Variants in CLUL1 observed in about 807,000 individuals in gnomAD.
The protein encoded by CLUL1 is clusterin like 1.
Under a neutral mutation model 49.4 loss-of-function variants are expected in CLUL1, and 43 were observed. That is an observed-to-expected ratio of 0.87 (90% CI 0.68 to 1.12). CLUL1 has a LOEUF of 1.12. Ranked by LOEUF, CLUL1 falls within the 50% of genes most tolerant of loss-of-function variation. CLUL1 has a pLI of 0.00. For synonymous variants in CLUL1, 192 were observed against 184.9 expected, an observed-to-expected ratio of 1.04 and a Z score of -0.31; for missense variants, 486 against 544.4, an observed-to-expected ratio of 0.89 and a Z score of 1.07.
intron 1 of CLUL1, chr18:597,822 G>T (rs1157388343): frequency 6.6e-6 from 1 of 152,206 alleles, no homozygotes; most frequent in African/African-American, 2.4e-5. Flanking sequence ...GATAAAATCA[G>T]TATTTGAGGA....
In CLUL1 at chr18:632,334, ATGTGTG is replaced by A. The variant is rs34398863; in HGVS notation, c.857-948_857-943del. On this transcript the variant is annotated intron_variant, in intron 6 of 9. Transcript: ENST00000692774. ...CTCGCACACATATGTGTGTATATAT[ATGTGTG>A]TGTGTGTGTGTGTGTATATATACAT... Among the ~76,000 whole-genome samples the A allele has an allele frequency of 2.4e-3, 360 of 151,074 alleles. 1 individual carries two copies. Among genetic ancestry groups the A allele is most frequent in the African/African-American group, 8.3e-3 (340 of 41,058 alleles).
chr18:635,892 A>C (rs1375634274), intron 7 of CLUL1, among the ~76,000 whole-genome samples: 1 of 152,054 alleles, frequency 6.6e-6, no homozygotes, highest in Non-Finnish European at 1.5e-5. Flanking sequence ...ACGCGCCACC[A>C]TACCTGGCTG....
chr18:637,472 A>T (rs1271086910), intron 7 of CLUL1, among the ~76,000 whole-genome samples: 2 of 152,264 alleles, frequency 1.3e-5, no homozygotes, highest in East Asian at 3.9e-4. Flanking sequence ...AGCAGAGTCC[A>T]TTATACAAAT....
Position 641,446 on chromosome 18 carries a change from G to A in CLUL1, c.1114G>A (p.Ala372Thr), listed in dbSNP as rs749684328. Reference sequence around the variant, plus strand: ...GACCCGGAAGCACTTGGAGGACACCGCCTATCTGGTGGAGAAGATGAGAGG... The same window carrying A: ...GACCCGGAAGCACTTGGAGGACACCACCTATCTGGTGGAGAAGATGAGAGG... ...QMTRKHLEDT[A>T]YLVEKMRGQF... The change falls in exon 8 of 10, where the codon GCC becomes ACC. Residue 372 changes from alanine (A) to threonine (T), a missense_variant. Coordinates refer to ENST00000692774, the MANE Select transcript of CLUL1 (RefSeq NM_001393344.1). 26 of 1,614,104 alleles carry A rather than the reference G, an allele frequency of 1.6e-5. No homozygotes were observed. The highest frequency in any genetic ancestry group is 1.6e-4 in the Middle Eastern group (1 of 6,084).
rs777754570 is a variant in CLUL1 at position 633,398 on chromosome 18, T to C, written c.957T>C (p.His319=). 3 of 1,614,076 alleles carry C rather than the reference T, an allele frequency of 1.9e-6. No homozygotes were observed. Among genetic ancestry groups the C allele is most frequent in the Admixed American group, 1.7e-5 (1 of 59,990 alleles). Residue 319 remains histidine (H), a synonymous_variant, in exon 7 of 10, where the codon CAT becomes CAC. Coordinates refer to ENST00000692774, the MANE Select transcript of CLUL1 (RefSeq NM_001393344.1). ...ATTTGTCAAGATGTTTCAAATTTCATGAAAAATGCCAAAAATGTCAGGCTC... is the reference window on the plus strand; with the variant it reads ...ATTTGTCAAGATGTTTCAAATTTCACGAAAAATGCCAAAAATGTCAGGCTC... ...DQNLSRCFKF[H]EKCQKCQAHL...
At position 641,556 on chromosome 18, in the gene CLUL1, C is replaced by G; in HGVS notation, c.1209+15C>G. The G allele has an allele frequency of 6.2e-7, 1 of 1,603,386 alleles. No individual in the cohort carries two copies. The highest frequency in any genetic ancestry group is 8.5e-7 in the Non-Finnish European group (1 of 1,170,620). On this transcript the variant is annotated intron_variant, in intron 8 of 9. Coordinates refer to ENST00000692774, the MANE Select transcript of CLUL1 (RefSeq NM_001393344.1). ...ATTCAATACAGGTAAAGGAGAGACCCAAGAGCAGATACGGAAATGACACGT... is the reference window on the plus strand; with the variant it reads ...ATTCAATACAGGTAAAGGAGAGACCGAAGAGCAGATACGGAAATGACACGT...
intron 5 of CLUL1, among the ~76,000 whole-genome samples, chr18:626,860 C>G (rs545371583): frequency 7.4e-4 from 75 of 100,810 alleles, no homozygotes; most frequent in Admixed American, 1.6e-3. Flanking sequence ...GACTCCATCT[C>G]AAATAAGAAA....
intron 4 of CLUL1, among the ~76,000 whole-genome samples, chr18:624,120 C>T (rs1379672082): frequency 6.6e-6 from 1 of 152,172 alleles, no homozygotes. Context: ...AGGGCTGAGG[C>T]TCGCAGGGAC....
At chr18:603,851 T>C (rs931564467) in intron 1 of CLUL1, among the ~76,000 whole-genome samples, 3 of 152,186 alleles carry the variant, frequency 2.0e-5, no homozygotes, top group Non-Finnish European at 2.9e-5. Context: ...ACGAACATTT[T>C]GTAGATGGGT....
At chr18:631,235 G>A (rs1408984069) in intron 6 of CLUL1, among the ~76,000 whole-genome samples, 5 of 152,078 alleles carry the variant, frequency 3.3e-5, no homozygotes, top group African/African-American at 7.2e-5. Context: ...TCCTACCTTG[G>A]TCTTTCTGGA....
chr18:613,759 T>G (rs1171089236), intron 2 of CLUL1, among the ~76,000 whole-genome samples: 1 of 152,206 alleles, frequency 6.6e-6, no homozygotes, highest in Non-Finnish European at 1.5e-5. Flanking sequence ...TGGCCTAGTC[T>G]GAATTTTTTA....
At chr18:633,890 G>A (rs752755205) in intron 7 of CLUL1, among the ~76,000 whole-genome samples, 2 of 149,808 alleles carry the variant, frequency 1.3e-5, no homozygotes, top group African/African-American at 2.5e-5. Flanking sequence ...ATCGAAAAAG[G>A]TTGCTTTACG....
At position 641,363 on chromosome 18, in the gene CLUL1, A is replaced by G. The variant is rs115410540; in HGVS notation, c.1031A>G (p.Asp344Gly). Residue 344 changes from aspartate to glycine, a missense_variant, in exon 8 of 10, where the codon GAC becomes GGC. Asp to Gly is a moderately conservative substitution (Grantham distance 94). Transcript: ENST00000692774. ...GTACCTGCTCTGCACACAGAATTAG[A>G]CGAGGCGATCAGGTTGGTCAATGTA... is the stretch of plus-strand genomic sequence containing the variant. ...PDVPALHTEL[D>G]EAIRLVNVSN... 1.1e-3 allele frequency: 1,793 copies of G among 1,614,154 alleles called. 19 individuals are homozygous for G. The African/African-American group carries it at 0.021, about 19-fold the overall frequency.
intron 1 of CLUL1, among the ~76,000 whole-genome samples, chr18:602,251 G>A (rs2072852860): frequency 1.3e-5 from 2 of 152,186 alleles, no homozygotes; most frequent in African/African-American, 4.8e-5. Flanking sequence ...AATTGGTCTT[G>A]CCCTCAGGAA....
At position 644,969 on chromosome 18, in the gene CLUL1, C is replaced by T. The variant is rs1213901328; in HGVS notation, c.1269C>T (p.Asp423=). 2.5e-6 allele frequency: 4 copies of T among 1,613,442 alleles called. No homozygotes were observed. The highest frequency in any genetic ancestry group is 3.4e-6 in the Non-Finnish European group (4 of 1,179,646). Residue 423 remains aspartate (D), a synonymous_variant, in exon 9 of 10, where the codon GAC becomes GAT. Coordinates refer to ENST00000692774, the MANE Select transcript of CLUL1 (RefSeq NM_001393344.1). ...ISKQDETMMT[D]LSILPSSNFT... ...AACAAGATGAAACAATGATGACAGA[C>T]TTAAGCATTCTGCCTTCCTCTAATT...
At chr18:648,700 A>T (rs1203575921) in intron 9 of CLUL1, among the ~76,000 whole-genome samples, 1 of 152,202 alleles carries the variant, frequency 6.6e-6, no homozygotes, top group Admixed American at 6.5e-5. Flanking sequence ...TCTGTTGCCC[A>T]GGCAGGATTG....
At chr18:599,096 A>C (rs2072744907) in intron 1 of CLUL1, among the ~76,000 whole-genome samples, 2 of 152,252 alleles carry the variant, frequency 1.3e-5, no homozygotes, top group African/African-American at 4.8e-5. Flanking sequence ...ATAATGCCAT[A>C]TAAGGTTTCT....
chr18:642,917 C>A (rs969322125), intron 8 of CLUL1, among the ~76,000 whole-genome samples: 1 of 152,212 alleles, frequency 6.6e-6, no homozygotes, highest in African/African-American at 2.4e-5. Flanking sequence ...AGTTTGCTTT[C>A]CTCATCCCCT....
intron 5 of CLUL1, among the ~76,000 whole-genome samples, chr18:626,887 G>C (rs2073748205): frequency 3.7e-4 from 1 of 2,710 alleles, no homozygotes; most frequent in Non-Finnish European, 7.3e-4. Context: ...AAGAAAGAAA[G>C]AAAGAAAGAA....
Sources: allele counts gnomAD v4.1 joint callset (sites outside exome capture counted in the v4.1 genomes callset), GRCh38; gene constraint gnomAD v4.1.1; transcripts MANE v1.5; gene names NCBI Gene and HGNC (gene_info 2026-07-23, HGNC 2026-07-21).